The following CUBN variants were observed in gnomAD, a reference collection of about 807,000 sequenced individuals.
CUBN encodes the protein cubilin, also known as 460 kDa receptor.
Under a neutral mutation model 405.3 loss-of-function variants are expected in CUBN, and 282 were observed. The ratio of observed to expected loss-of-function variants is 0.70; its 90% CI spans 0.63 to 0.77. The LOEUF (loss-of-function observed/expected upper bound fraction) is 0.77, where lower values mean the gene tolerates loss of function less well. Among genes scored for constraint, CUBN ranks in the 30% least tolerant of loss-of-function variants. CUBN has a pLI of 0.00. For missense variants in CUBN, 4,514 were observed against 4,475.2 expected (o/e 1.01, Z -0.25); for synonymous variants, 1,684 against 1,617.0 (o/e 1.04, Z -0.99).
At chr10:16,898,385 A>G (rs757086648) in intron 54 of CUBN, among the ~76,000 whole-genome samples, 19 of 152,182 alleles carry the variant, frequency 1.2e-4, no homozygotes, top group Non-Finnish European at 2.1e-4. Context: ...TATGACAGAC[A>G]TGAATGGAGG....
chr10:17,031,735 C>T (rs1414044845), intron 27 of CUBN, among the ~76,000 whole-genome samples: 1 of 152,176 alleles, frequency 6.6e-6, no homozygotes, highest in Non-Finnish European at 1.5e-5. Context: ...AAGCACAGTG[C>T]CTGGAGCTGT....
At position 17,099,508 on chromosome 10, in the gene CUBN, C is replaced by T. The variant is rs183589360; in HGVS notation, c.1765+497G>A. On this transcript the variant is annotated intron_variant, in intron 14 of 66. Transcript: ENST00000377833. ...TTCTATTTCATGCTTATTTTGTTGC[C>T]TTTAGACACAAAATAAATTCTAATT... is the stretch of plus-strand genomic sequence containing the variant. 3.5e-4 allele frequency among the ~76,000 whole-genome samples: 54 copies of T among 152,134 alleles called. No homozygotes were observed. In the East Asian group the frequency reaches 0.01, roughly 28 times the overall value.
At chr10:16,972,177 ACCCGTT>A (rs1832955377) in intron 31 of CUBN, among the ~76,000 whole-genome samples, 1 of 151,866 alleles carries the variant, frequency 6.6e-6, no homozygotes, top group African/African-American at 2.4e-5. Flanking sequence ...TCTTTCATCC[ACCCGTT>A]ACATGGCAGT....
chr10:16,908,512 T>C (rs1365994396), intron 48 of CUBN, among the ~76,000 whole-genome samples: 2 of 152,228 alleles, frequency 1.3e-5, no homozygotes, highest in African/African-American at 2.4e-5. Context: ...TTAAACATAA[T>C]AGTTCTTTCC....
In CUBN at chr10:16,948,464, C is replaced by G; in HGVS notation, c.5209+14G>C. 1 of 1,613,766 alleles carries G rather than the reference C, an allele frequency of 6.2e-7. No individual in the cohort carries two copies. Among genetic ancestry groups the G allele is most frequent in the Non-Finnish European group, 8.5e-7 (1 of 1,179,808 alleles). On this transcript the variant is annotated intron_variant, in intron 35 of 66. Coordinates refer to ENST00000377833, the MANE Select transcript of CUBN (RefSeq NM_001081.4). ...CCCTTTTAACCGCTAGAGTCAGGTG[C>G]TAGGGTTTCTTACCCGACACTGATG...
At position 16,990,362 on chromosome 10, in the gene CUBN, T is replaced by TG; in HGVS notation, c.4321dup (p.His1441ProfsTer7). ...CAAGACATCAAAGTTGCACCTTGAA[T>TG]GATACTCCACATCGAAGTCATGGAT... On this transcript the variant is annotated frameshift_variant, in exon 29 of 67. Transcript: ENST00000377833. LOFTEE classifies it high-confidence loss of function. 6.2e-7 allele frequency: 1 copy of TG among 1,614,204 alleles called. No individual in the cohort carries two copies. Among genetic ancestry groups the TG allele is most frequent in the Non-Finnish European group, 8.5e-7 (1 of 1,180,038 alleles).
chr10:16,827,746 C>A (rs764115254), intron 66 of CUBN, among the ~76,000 whole-genome samples: 1 of 152,166 alleles, frequency 6.6e-6, no homozygotes, highest in Non-Finnish European at 1.5e-5. Context: ...GGATTACAGG[C>A]GTGTGCCACT....
At chr10:17,002,606 A>G (rs531212899) in intron 28 of CUBN, among the ~76,000 whole-genome samples, 1 of 152,342 alleles carries the variant, frequency 6.6e-6, no homozygotes, top group Non-Finnish European at 1.5e-5. Context: ...GATGAAGGTC[A>G]ACTGTGTGGA....
At chr10:17,095,679 T>A (rs1048606777) in intron 14 of CUBN, among the ~76,000 whole-genome samples, 1 of 152,098 alleles carries the variant, frequency 6.6e-6, no homozygotes, top group South Asian at 2.1e-4. Context: ...TAAAACAATA[T>A]GGAGGTTCCT....
At chr10:17,065,286 A>G (rs1409825017) in intron 22 of CUBN, among the ~76,000 whole-genome samples, 1 of 152,174 alleles carries the variant, frequency 6.6e-6, no homozygotes, top group Non-Finnish European at 1.5e-5. Context: ...TAACAAAACC[A>G]CAGTACAATT....
At chr10:17,019,774 G>GA in intron 28 of CUBN, 59 bp downstream of exon 28, 3 of 1,610,496 alleles carry the variant, frequency 1.9e-6, no homozygotes, top group East Asian at 2.2e-5. Flanking sequence ...AACTGAAAAA[G>GA]AAAAAATTCT....
intron 28 of CUBN, among the ~76,000 whole-genome samples, chr10:16,991,192 C>T (rs915057074): frequency 2.6e-5 from 4 of 152,220 alleles, no homozygotes; most frequent in Admixed American, 6.5e-5. Context: ...TAATCAAATG[C>T]TGTAGCCTGC....
At chr10:16,833,980 A>C (rs1323343791) in intron 64 of CUBN, among the ~76,000 whole-genome samples, 2 of 152,238 alleles carry the variant, frequency 1.3e-5, no homozygotes, top group Non-Finnish European at 2.9e-5. Context: ...GTACAAAGCC[A>C]GTTTAGAGAC....
Position 16,877,054 on chromosome 10 carries a change from G to A in CUBN, c.8949C>T (p.His2983=), listed in dbSNP as rs867412916. Reference sequence around the variant, plus strand: ...ACATGACGCTGTAACCTCTGATAATGTGCACGCCATCGTTGACACAGCTTC... The same window carrying A: ...ACATGACGCTGTAACCTCTGATAATATGCACGCCATCGTTGACACAGCTTC... The part of the protein sequence containing the change: ...VTGSCVNDGV[H]IIRGYSVMST... Residue 2983 remains histidine (H), a synonymous_variant, in exon 57 of 67, where the codon CAC becomes CAT. Coordinates refer to ENST00000377833, the MANE Select transcript of CUBN (RefSeq NM_001081.4). 2 of 1,614,082 alleles carry A rather than the reference G, an allele frequency of 1.2e-6. No individual in the cohort carries two copies. Among genetic ancestry groups the A allele is most frequent in the Non-Finnish European group, 8.5e-7 (1 of 1,180,014 alleles).
intron 30 of CUBN, among the ~76,000 whole-genome samples, chr10:16,983,035 G>A (rs537750879): frequency 6.6e-6 from 1 of 152,164 alleles, no homozygotes; most frequent in East Asian, 1.9e-4. Context: ...AGTAGTGCAT[G>A]CATTTAAAAA....
chr10:17,110,972 G>C lies in CUBN; in HGVS notation c.962C>G (p.Pro321Arg). 6.2e-7 allele frequency: 1 copy of C among 1,614,152 alleles called. No individual in the cohort carries two copies. The highest frequency in any genetic ancestry group is 8.5e-7 in the Non-Finnish European group (1 of 1,180,020). ...CCCAGGTGTATTCACACACTCAACG[G>C]GTGGAGCCACAGAACAGCCGCCGTT... ...INNGGCSVAP[P>R]VECVNTPGSS... The change falls in exon 9 of 67, where the codon CCC (proline) becomes CGC (arginine). Residue 321 changes from proline (P) to arginine (R), a missense_variant. Around this residue, in one of 5 missense-constraint regions of CUBN, gnomAD observed 1,448 missense variants for 1,388.0 expected, o/e 1.04. Transcript: ENST00000377833.
At chr10:16,994,651 G>T (rs539760998) in intron 28 of CUBN, among the ~76,000 whole-genome samples, 1 of 152,128 alleles carries the variant, frequency 6.6e-6, no homozygotes, top group African/African-American at 2.4e-5. Flanking sequence ...CATCCTTGTC[G>T]TCATCCGGTT....
At chr10:17,024,537 G>A (rs888580928) in intron 27 of CUBN, among the ~76,000 whole-genome samples, 1 of 152,000 alleles carries the variant, frequency 6.6e-6, no homozygotes, top group Admixed American at 6.6e-5. Context: ...ACAGGATCTT[G>A]CTCTGTTGCA....
chr10:16,882,809 T>C (rs939473520), intron 56 of CUBN, among the ~76,000 whole-genome samples: 2 of 151,924 alleles, frequency 1.3e-5, no homozygotes, highest in Non-Finnish European at 2.9e-5. Flanking sequence ...AGGTCAGGAG[T>C]TTGAGACCAG....
Sources: gnomAD v4.1 joint callset for allele counts (sites outside exome capture counted in the v4.1 genomes callset) on GRCh38, gnomAD v4.1.1 for gene constraint, gnomAD v4.1.1 regional missense constraint, MANE v1.5 for transcripts, NCBI Gene and HGNC (gene_info 2026-07-23, HGNC 2026-07-21) for gene names.